Variants in ARL15 observed in about 807,000 individuals in gnomAD.
The protein encoded by ARL15 is ARF like GTPase 15.
ARL15 carries 19 observed loss-of-function variants against 25.2 expected under a neutral mutation model. The ratio of observed to expected loss-of-function variants is 0.75; its 90% confidence interval spans 0.53 to 1.10. ARL15 has a LOEUF of 1.10. Ranked by LOEUF, ARL15 falls within the 50% of genes least tolerant of loss-of-function variation. The pLI is 0.00. For missense variants in ARL15, 220 were observed against 246.0 expected, an observed-to-expected ratio of 0.89 and a Z score of 0.71; for synonymous variants, 94 against 86.8, an observed-to-expected ratio of 1.08 and a Z score of -0.46.
chr5:54,079,003 AC>A (rs1301057345), intron 4 of ARL15, among the ~76,000 whole-genome samples: 1 of 152,188 alleles, frequency 6.6e-6, no homozygotes, highest in Non-Finnish European at 1.5e-5. Flanking sequence ...TGTGCATTTC[AC>A]TAAAACATCA....
chr5:54,186,101 A>G (rs1178213340), intron 1 of ARL15, among the ~76,000 whole-genome samples: 2 of 152,196 alleles, frequency 1.3e-5, no homozygotes, highest in Non-Finnish European at 2.9e-5. Context: ...CTATTCTAAC[A>G]GTTAAATCGA....
At chr5:54,089,132 C>T (rs1579786603) in intron 4 of ARL15, among the ~76,000 whole-genome samples, 1 of 152,136 alleles carries the variant, frequency 6.6e-6, no homozygotes, top group African/African-American at 2.4e-5. Context: ...AGCTCCAGCA[C>T]CCCCCGCCTC....
intron 4 of ARL15, among the ~76,000 whole-genome samples, chr5:53,944,349 A>G (rs1352511119): frequency 6.6e-6 from 1 of 152,100 alleles, no homozygotes; most frequent in Non-Finnish European, 1.5e-5. Context: ...AGTTGTTCGC[A>G]CCTGTAATCC....
At chr5:54,121,625 C>T (rs1370368310) in intron 3 of ARL15, among the ~76,000 whole-genome samples, 2 of 152,056 alleles carry the variant, frequency 1.3e-5, no homozygotes, top group South Asian at 2.1e-4. Flanking sequence ...GAATTCAGTA[C>T]ACAATTTTCC....
intron 4 of ARL15, among the ~76,000 whole-genome samples, chr5:53,997,908 G>A (rs1748733291): frequency 6.6e-6 from 1 of 152,036 alleles, no homozygotes; most frequent in Non-Finnish European, 1.5e-5. Context: ...GCAAAAATTT[G>A]TGATTAGCAA....
At chr5:54,170,533 A>G (rs766849326) in intron 2 of ARL15, among the ~76,000 whole-genome samples, 1 of 152,174 alleles carries the variant, frequency 6.6e-6, no homozygotes, top group African/African-American at 2.4e-5. Flanking sequence ...TATTAAACAT[A>G]CACTGCAGCC....
intron 4 of ARL15, among the ~76,000 whole-genome samples, chr5:53,997,439 C>A (rs902598524): frequency 3.4e-5 from 5 of 147,048 alleles, no homozygotes; most frequent in Non-Finnish European, 7.5e-5. Flanking sequence ...CCTTTTATTT[C>A]CTGATGAATA....
At chr5:54,268,726 T>C (rs546323210) in intron 1 of ARL15, among the ~76,000 whole-genome samples, 1 of 152,304 alleles carries the variant, frequency 6.6e-6, no homozygotes, top group Admixed American at 6.5e-5. Context: ...ACTGGGTATA[T>C]ACCCAAAGGA....
chr5:54,231,083 A>G (rs975251330), intron 1 of ARL15, among the ~76,000 whole-genome samples: 1 of 151,944 alleles, frequency 6.6e-6, no homozygotes, highest in Non-Finnish European at 1.5e-5. Context: ...CCAGCACTGT[A>G]TAAGCCAGTT....
intron 4 of ARL15, among the ~76,000 whole-genome samples, chr5:53,976,016 G>A (rs72764738): frequency 0.021 from 3,260 of 152,296 alleles, 49 homozygotes; most frequent in Middle Eastern, 0.054. Context: ...TAGCCTGTGT[G>A]CCATCAATGT....
intron 4 of ARL15, among the ~76,000 whole-genome samples, chr5:54,108,511 T>G (rs1330316482): frequency 6.6e-6 from 1 of 152,130 alleles, no homozygotes; most frequent in Non-Finnish European, 1.5e-5. Context: ...CACATTTCTC[T>G]ACACATACAG....
At chr5:53,956,386 A>G (rs1747155984) in intron 4 of ARL15, among the ~76,000 whole-genome samples, 2 of 150,952 alleles carry the variant, frequency 1.3e-5, no homozygotes, top group Admixed American at 6.6e-5. Context: ...CCAATTTTAA[A>G]CAAAAAATAT....
chr5:54,160,281 T>C (rs1172083753), intron 2 of ARL15, among the ~76,000 whole-genome samples: 1 of 152,252 alleles, frequency 6.6e-6, no homozygotes, highest in Admixed American at 6.5e-5. Context: ...GTTTCTCTTG[T>C]TGGCTTAACA....
At chr5:53,887,211 C>A (rs1387371370) in intron 4 of ARL15, among the ~76,000 whole-genome samples, 1 of 152,126 alleles carries the variant, frequency 6.6e-6, no homozygotes, top group Non-Finnish European at 1.5e-5. Flanking sequence ...TAATCTTCTT[C>A]TCTTTCTCTC....
intron 4 of ARL15, among the ~76,000 whole-genome samples, chr5:53,984,601 C>A (rs1488903507): frequency 8.5e-5 from 13 of 152,086 alleles, no homozygotes; most frequent in Admixed American, 8.5e-4. Context: ...TCAACAATAA[C>A]CACCTCCATC....
chr5:53,988,350 G>C (rs1391302841), intron 4 of ARL15, among the ~76,000 whole-genome samples: 1 of 149,030 alleles, frequency 6.7e-6, no homozygotes, highest in African/African-American at 2.5e-5. Flanking sequence ...TCTGAGATAA[G>C]ATCTTTTCAA....
Position 54,219,372 on chromosome 5 carries a change from A to T in ARL15, c.49-47444T>A, listed in dbSNP as rs1261394575. ...TAGAAGATCAGGGTGGAAGAAAAAA[A>T]AGACTAAAATGCATCAAATCTCAAA... On this transcript the variant is annotated intron_variant, in intron 1 of 4. Transcript: ENST00000504924. 2.0e-5 allele frequency among the ~76,000 whole-genome samples: 3 copies of T among 152,180 alleles called. No individual in the cohort carries two copies. The East Asian group carries it at 5.8e-4, about 29-fold the overall frequency.
chr5:53,969,272 A>C (rs528715252), intron 4 of ARL15, among the ~76,000 whole-genome samples: 1 of 152,290 alleles, frequency 6.6e-6, no homozygotes, highest in East Asian at 1.9e-4. Context: ...TAAAAACTGA[A>C]ATACTTGCAA....
At chr5:54,020,796 G>A (rs697102) in intron 4 of ARL15, among the ~76,000 whole-genome samples, 79,684 of 148,882 alleles carry the variant, frequency 0.54, 21,944 homozygotes, top group Admixed American at 0.61. Context: ...AAAATTAAAA[G>A]AAAAAAAAAT....
Sources: allele counts gnomAD v4.1 joint callset (sites outside exome capture counted in the v4.1 genomes callset), GRCh38; gene constraint gnomAD v4.1.1; transcripts MANE v1.5; gene names NCBI Gene and HGNC (gene_info 2026-07-23, HGNC 2026-07-21).